Variants in LRRC4C observed in about 807,000 individuals in gnomAD.
The protein encoded by LRRC4C is leucine rich repeat containing 4C, also known as leucine-rich repeat-containing protein 4C.
In LRRC4C, 5 loss-of-function variants were observed where a neutral mutation model predicts 33.6. The observed-to-expected ratio is 0.15, with a 90% confidence interval of 0.08 to 0.31. The LOEUF (loss-of-function observed/expected upper bound fraction) is 0.31, where lower values mean the gene tolerates loss of function less well. LRRC4C is among the 10% of genes least tolerant of loss of function. The pLI, the probability that LRRC4C is intolerant of heterozygous loss-of-function variation, is 1.00. For synonymous variants in LRRC4C, 329 were observed against 302.0 expected (o/e 1.09, Z -0.93); for missense variants, 560 against 796.7 (o/e 0.70, Z 3.58).
chr11:40,123,382 A>C lies in LRRC4C; in HGVS notation c.-42-7048T>G, dbSNP rs550770117. On this transcript the variant is annotated intron_variant, in intron 6 of 6. Transcript: ENST00000528697. ...TACCAAAAAACTGTTAGAACTGATA[A>C]ATTCAGTAAAGTTGCAGAATACAAA... 4.3e-4 allele frequency among the ~76,000 whole-genome samples: 66 copies of C among 152,290 alleles called. 1 individual carries two copies. Among genetic ancestry groups the C allele is most frequent in the South Asian group, 4.1e-3 (20 of 4,824 alleles).
At chr11:40,775,472 C>T (rs956106876) in intron 2 of LRRC4C, among the ~76,000 whole-genome samples, 1 of 151,584 alleles carries the variant, frequency 6.6e-6, no homozygotes, top group African/African-American at 2.4e-5. Context: ...TTCACAACTA[C>T]TTAACTCTGT....
chr11:40,115,381 G>T lies in LRRC4C; in HGVS notation c.912C>A (p.Asn304Lys). Reference protein sequence around the residue: ...ERIHLHHNPWNCNCDILWLSW... With the variant: ...ERIHLHHNPWKCNCDILWLSW... The stretch of plus-strand genomic sequence containing the variant: ...TGAGCCACAGTATGTCACAGTTACA[G>T]TTCCAAGGGTTGTGATGTAAATGTA... Residue 304 changes from asparagine (N) to lysine (K), a missense_variant, in exon 7 of 7, where the codon AAC (asparagine) becomes AAA (lysine). Coordinates refer to ENST00000528697, the MANE Select transcript of LRRC4C (RefSeq NM_001258419.2). This position sits in a 1 kb window ranked among gnomAD's most constrained non-coding sequence, Gnocchi z 6.7. 1 of 1,614,228 alleles carries T rather than the reference G, an allele frequency of 6.2e-7. No individual in the cohort carries two copies. Among genetic ancestry groups the T allele is most frequent in the Non-Finnish European group, 8.5e-7 (1 of 1,180,042 alleles).
chr11:40,173,147 A>G (rs986981546), intron 5 of LRRC4C, among the ~76,000 whole-genome samples: 5 of 152,164 alleles, frequency 3.3e-5, no homozygotes, highest in African/African-American at 1.2e-4. Flanking sequence ...TGGCACCTTG[A>G]CTTTGAATTT....
intron 6 of LRRC4C, among the ~76,000 whole-genome samples, chr11:40,117,864 A>G (rs976148439): frequency 2.2e-4 from 33 of 152,000 alleles, no homozygotes; most frequent in African/African-American, 7.5e-4. Context: ...AATATTATAT[A>G]TCACATAGGG....
chr11:40,885,328 C>G (rs4756623), intron 2 of LRRC4C, among the ~76,000 whole-genome samples: 122,761 of 151,934 alleles, frequency 0.81, 50,890 homozygotes, highest in Non-Finnish European at 0.9. Flanking sequence ...CAGATCTGAG[C>G]TCGATAAGGA....
intron 2 of LRRC4C, among the ~76,000 whole-genome samples, chr11:40,674,298 C>T (rs953049071): frequency 7.2e-5 from 11 of 152,296 alleles, no homozygotes; most frequent in African/African-American, 1.4e-4. Flanking sequence ...TTGGCAGCTC[C>T]GTTCCAGTCA....
intron 1 of LRRC4C, among the ~76,000 whole-genome samples, chr11:41,349,746 T>G (rs1017467229): frequency 1.3e-5 from 2 of 152,142 alleles, no homozygotes; most frequent in Non-Finnish European, 2.9e-5. Flanking sequence ...CTCCGGCAAC[T>G]CTAAATGCCA....
chr11:41,004,142 C>T (rs964279222), intron 1 of LRRC4C, among the ~76,000 whole-genome samples: 1 of 152,062 alleles, frequency 6.6e-6, no homozygotes, highest in Admixed American at 6.5e-5. Flanking sequence ...ATCAGACTAG[C>T]TAAAAAATAC....
At chr11:40,663,040 T>C (rs1199397263) in intron 2 of LRRC4C, among the ~76,000 whole-genome samples, 1 of 152,216 alleles carries the variant, frequency 6.6e-6, no homozygotes, top group Non-Finnish European at 1.5e-5. Flanking sequence ...TTTTGTGTTA[T>C]TTTGGTTGGA....
At chr11:41,084,725 TGTAAACCCA>T (rs757970058) in intron 1 of LRRC4C, among the ~76,000 whole-genome samples, 1 of 152,138 alleles carries the variant, frequency 6.6e-6, no homozygotes, top group Non-Finnish European at 1.5e-5. Context: ...GGTGGGCATC[TGTAAACCCA>T]GCTACTCAAG....
chr11:41,085,512 A>C (rs754951219), intron 1 of LRRC4C, among the ~76,000 whole-genome samples: 3 of 152,100 alleles, frequency 2.0e-5, no homozygotes, highest in Non-Finnish European at 4.4e-5. Flanking sequence ...TAAAATATTA[A>C]TAATAATATA....
intron 1 of LRRC4C, among the ~76,000 whole-genome samples, chr11:41,234,770 G>A (rs904523212): frequency 1.3e-5 from 2 of 151,996 alleles, no homozygotes; most frequent in African/African-American, 4.8e-5. Context: ...AGGACTATGG[G>A]TAGCTGCATT....
At chr11:40,355,067 C>T (rs1322366316) in intron 3 of LRRC4C, among the ~76,000 whole-genome samples, 1 of 152,114 alleles carries the variant, frequency 6.6e-6, no homozygotes, top group Non-Finnish European at 1.5e-5. Context: ...TAAATCGTGC[C>T]AGGACTGGGC....
intron 2 of LRRC4C, among the ~76,000 whole-genome samples, chr11:40,696,140 C>A (rs1308384468): frequency 7.0e-6 from 1 of 142,732 alleles, no homozygotes; most frequent in African/African-American, 2.6e-5. Context: ...TAAATTAGTG[C>A]CTATGCAACA....
At position 40,179,909 on chromosome 11, in the gene LRRC4C, G is replaced by A. The variant is rs73453875; in HGVS notation, c.-95-39056C>T. On this transcript the variant is annotated intron_variant, in intron 5 of 6. Transcript: ENST00000528697. Reference sequence around the variant, plus strand: ...CTCCTTTCTGTCTCTCCCCATGTACGTGTGTGTGTGTCCAAACATATGTGA... The same window carrying A: ...CTCCTTTCTGTCTCTCCCCATGTACATGTGTGTGTGTCCAAACATATGTGA... Among the ~76,000 whole-genome samples the A allele has an allele frequency of 8.9e-3, 1,352 of 152,118 alleles. 20 individuals carry two copies. Among genetic ancestry groups the A allele is most frequent in the African/African-American group, 0.031 (1,286 of 41,490 alleles).
At chr11:40,653,234 A>G (rs1460313693) in intron 2 of LRRC4C, among the ~76,000 whole-genome samples, 1 of 152,234 alleles carries the variant, frequency 6.6e-6, no homozygotes, top group Non-Finnish European at 1.5e-5. Flanking sequence ...GGTAACAGGC[A>G]GAAGTTGGAA....
intron 1 of LRRC4C, among the ~76,000 whole-genome samples, chr11:41,228,536 A>G (rs763647648): frequency 2.6e-5 from 4 of 152,082 alleles, no homozygotes; most frequent in Non-Finnish European, 5.9e-5. Context: ...ATTGCTTTCA[A>G]TATGTTTTCT....
chr11:41,112,837 T>C (rs1226286759), intron 1 of LRRC4C, among the ~76,000 whole-genome samples: 1 of 152,096 alleles, frequency 6.6e-6, no homozygotes, highest in African/African-American at 2.4e-5. Context: ...AATGCTCTGA[T>C]TTTCACTAAT....
chr11:41,135,442 C>T (rs1943215758), intron 1 of LRRC4C, among the ~76,000 whole-genome samples: 1 of 152,026 alleles, frequency 6.6e-6, no homozygotes, highest in Non-Finnish European at 1.5e-5. Context: ...ATGGCAATAA[C>T]AAATGGAATA....
Sources: gnomAD v4.1 joint callset for allele counts (sites outside exome capture counted in the v4.1 genomes callset) on GRCh38, gnomAD v4.1.1 for gene constraint, Gnocchi (gnomAD v3.1) non-coding constraint, MANE v1.5 for transcripts, NCBI Gene and HGNC (gene_info 2026-07-23, HGNC 2026-07-21) for gene names.